Variants in VPS41 observed in about 807,000 individuals in gnomAD.
VPS41 encodes the protein VPS41 subunit of HOPS complex, also known as vacuolar protein sorting-associated protein 41 homolog.
A neutral mutation model predicts 130.9 loss-of-function variants in VPS41; 85 were observed. The observed-to-expected ratio is 0.65, with a 90% CI of 0.55 to 0.78. The LOEUF is 0.78. Among genes scored for constraint, VPS41 ranks in the 30% least tolerant of loss-of-function variants. The probability of loss-of-function intolerance (pLI) is 0.00; values close to 1 mark genes in which losing one functional copy is unlikely to be tolerated. For synonymous variants in VPS41, 335 were observed against 332.9 expected (o/e 1.01, Z -0.07); for missense variants, 874 against 1,018.7 (o/e 0.86, Z 1.93).
intron 3 of VPS41, among the ~76,000 whole-genome samples, chr7:38,867,297 G>A (rs1234359269): frequency 6.6e-6 from 1 of 152,156 alleles, no homozygotes; most frequent in African/African-American, 2.4e-5. Context: ...TGTAATCTCA[G>A]CACTTTGGGA....
intron 1 of VPS41, among the ~76,000 whole-genome samples, chr7:38,908,058 A>C (rs570332986): frequency 3.3e-5 from 5 of 152,232 alleles, no homozygotes; most frequent in Non-Finnish European, 7.3e-5. Context: ...CATATATAAA[A>C]TATATACAGA....
intron 2 of VPS41, among the ~76,000 whole-genome samples, chr7:38,893,594 G>A (rs1270654585): frequency 6.6e-6 from 1 of 152,198 alleles, no homozygotes. Flanking sequence ...ACAGTACACT[G>A]CATATTTTTC....
At chr7:38,876,286 T>C (rs1786489289) in intron 2 of VPS41, among the ~76,000 whole-genome samples, 2 of 152,222 alleles carry the variant, frequency 1.3e-5, no homozygotes, top group South Asian at 4.1e-4. Context: ...AAATCTGTTT[T>C]CAAAGACAAT....
At chr7:38,870,908 A>G (rs535798892) in intron 2 of VPS41, among the ~76,000 whole-genome samples, 240 of 151,990 alleles carry the variant, frequency 1.6e-3, no homozygotes, top group Non-Finnish European at 3.1e-3. Flanking sequence ...TTAATATAAG[A>G]TTAGCAAAAC....
chr7:38,740,115 A>G (rs1035931867), intron 25 of VPS41, among the ~76,000 whole-genome samples: 2 of 152,184 alleles, frequency 1.3e-5, no homozygotes, highest in African/African-American at 4.8e-5. Flanking sequence ...GAAAGGCACA[A>G]CTTTTAACCT....
chr7:38,776,147 G>A (rs2115866804), intron 11 of VPS41, among the ~76,000 whole-genome samples: 1 of 152,208 alleles, frequency 6.6e-6, no homozygotes, highest in South Asian at 2.1e-4. Context: ...CTTTTTATTA[G>A]CCACAGATTT....
Position 38,756,881 on chromosome 7 carries a change from G to T in VPS41, c.1652C>A (p.Ser551Tyr). 6.3e-7 allele frequency: 1 copy of T among 1,595,682 alleles called. No homozygotes were observed. Among genetic ancestry groups the T allele is most frequent in the South Asian group, 1.1e-5 (1 of 90,316 alleles). The change falls in exon 19 of 29, where the codon TCT becomes TAT. Residue 551 changes from serine (S) to tyrosine (Y), a missense_variant. Ser to Tyr is a moderately radical substitution (Grantham distance 144, BLOSUM62 -2). Coordinates refer to ENST00000310301, the MANE Select transcript of VPS41 (RefSeq NM_014396.4). ...TAATAAAACAATTTTATCCTTGATA[G>T]AACTGAAAAGATTATGCTTGTGGAT... ...QLIHKHNLFS[S>Y]IKDKIVLLMD...
At chr7:38,756,671 C>A (rs953202316) in intron 19 of VPS41, among the ~76,000 whole-genome samples, 167 bp downstream of exon 19, 1 of 152,160 alleles carries the variant, frequency 6.6e-6, no homozygotes, top group African/African-American at 2.4e-5. Flanking sequence ...GAATGCCAAA[C>A]AACTAGAATA....
chr7:38,758,548 A>G (rs1452978101), intron 17 of VPS41, 67 bp from the exon 18 acceptor site: 2 of 1,492,494 alleles, frequency 1.3e-6, no homozygotes, highest in African/African-American at 2.8e-5. Flanking sequence ...ATATTGTGAA[A>G]TATACATTTG....
intron 27 of VPS41, among the ~76,000 whole-genome samples, chr7:38,727,666 A>C (rs1210838339): frequency 1.3e-5 from 2 of 152,178 alleles, no homozygotes; most frequent in African/African-American, 2.4e-5. Context: ...ATCCAAATCT[A>C]ATTCCTCTAG....
chr7:38,870,382 A>G lies in VPS41; in HGVS notation c.61-1129T>C, dbSNP rs1430778822. Among the ~76,000 whole-genome samples the G allele has an allele frequency of 2.6e-5, 4 of 152,330 alleles. No individual in the cohort carries two copies. In the East Asian group the frequency reaches 7.7e-4, roughly 29 times the overall value. ...ATAAGAGTTCAAGAGGCATCGGGAA[A>G]TTGGATCCTGGTGAATATCACAGTC... On this transcript the variant is annotated intron_variant, in intron 2 of 28. Coordinates refer to ENST00000310301, the MANE Select transcript of VPS41 (RefSeq NM_014396.4).
At chr7:38,845,424 G>A (rs549825164) in intron 4 of VPS41, among the ~76,000 whole-genome samples, 7 of 152,216 alleles carry the variant, frequency 4.6e-5, no homozygotes, top group East Asian at 1.9e-4. Context: ...GTCACCTTCC[G>A]GGATGCTACA....
intron 11 of VPS41, 144 bp from the exon 12 acceptor site, chr7:38,774,388 G>A: frequency 2.9e-6 from 2 of 683,364 alleles, no homozygotes; most frequent in Non-Finnish European, 4.2e-6. Flanking sequence ...AAAGGAAAGA[G>A]GTTTAACTGA....
At chr7:38,818,721 A>T (rs1785109859) in intron 6 of VPS41, among the ~76,000 whole-genome samples, 1 of 152,294 alleles carries the variant, frequency 6.6e-6, no homozygotes, top group East Asian at 1.9e-4. Flanking sequence ...CACCCATGAA[A>T]TCACCAACTT....
At chr7:38,808,224 C>T (rs1462305452) in intron 7 of VPS41, among the ~76,000 whole-genome samples, 1 of 152,104 alleles carries the variant, frequency 6.6e-6, no homozygotes, top group Admixed American at 6.5e-5. Flanking sequence ...TGAAGAACAC[C>T]TGTTTTTCCG....
intron 4 of VPS41, among the ~76,000 whole-genome samples, chr7:38,835,904 C>CA (rs1445538629): frequency 6.6e-6 from 1 of 151,734 alleles, no homozygotes; most frequent in Non-Finnish European, 1.5e-5. Flanking sequence ...TAAATGTAAT[C>CA]AATATACTAT....
chr7:38,867,375 T>A (rs1038621038), intron 3 of VPS41, among the ~76,000 whole-genome samples: 2 of 151,946 alleles, frequency 1.3e-5, no homozygotes, highest in Admixed American at 6.6e-5. Context: ...TGAAACCCTG[T>A]CTCTACTAAA....
In VPS41 at chr7:38,846,254, T is replaced by C. The variant is rs1248682957; in HGVS notation, c.247-15926A>G. Among the ~76,000 whole-genome samples, 4 of 152,238 alleles carry C rather than the reference T, an allele frequency of 2.6e-5. No homozygotes were observed. In the East Asian group the frequency reaches 5.8e-4, roughly 22 times the overall value. On this transcript the variant is annotated intron_variant, in intron 4 of 28. Transcript: ENST00000310301. The stretch of plus-strand genomic sequence containing the variant: ...ACATTACATTGCAAACCATTGTTTA[T>C]ATGGCAAGTTCCACAAGTGACTTGA...
intron 25 of VPS41, among the ~76,000 whole-genome samples, chr7:38,736,152 T>A (rs1268510767): frequency 6.6e-6 from 1 of 152,256 alleles, no homozygotes; most frequent in African/African-American, 2.4e-5. Context: ...AAAACGCCTC[T>A]GTTAAGAACT....
Sources: gnomAD v4.1 joint callset for allele counts (sites outside exome capture counted in the v4.1 genomes callset) on GRCh38, gnomAD v4.1.1 for gene constraint, MANE v1.5 for transcripts, NCBI Gene and HGNC (gene_info 2026-07-23, HGNC 2026-07-21) for gene names.